Variants in CNNM2 observed in about 807,000 individuals in gnomAD.
The protein encoded by CNNM2 is cyclin and CBS domain divalent metal cation transport mediator 2.
In CNNM2, 12 loss-of-function variants were observed where a neutral mutation model predicts 66.9. The observed-to-expected ratio is 0.18, with a 90% CI of 0.11 to 0.29. CNNM2 has a LOEUF of 0.29. Ranked by LOEUF, CNNM2 falls within the 10% of genes least tolerant of loss-of-function variation. The pLI is 1.00. For missense variants in CNNM2, 705 were observed against 1,167.7 expected (o/e 0.60, Z 5.77); for synonymous variants, 557 against 501.8 (o/e 1.11, Z -1.47).
chr10:103,017,833 G>A (rs1321532158), intron 1 of CNNM2, among the ~76,000 whole-genome samples: 2 of 151,746 alleles, frequency 1.3e-5, no homozygotes, highest in Non-Finnish European at 2.9e-5. Flanking sequence ...GCATGGTAGT[G>A]GGCACCTGTA....
intron 1 of CNNM2, among the ~76,000 whole-genome samples, chr10:102,928,086 T>G (rs765878823): frequency 6.6e-6 from 1 of 152,230 alleles, no homozygotes; most frequent in Non-Finnish European, 1.5e-5. Context: ...TAAGTTTTTT[T>G]CAAAGTAAAA....
At chr10:102,972,554 T>G (rs1469833927) in intron 1 of CNNM2, among the ~76,000 whole-genome samples, 2 of 152,154 alleles carry the variant, frequency 1.3e-5, no homozygotes, top group Non-Finnish European at 2.9e-5. Context: ...GGAGAAGGCG[T>G]GAACCCGGGC....
chr10:103,007,943 A>T (rs2064259837), intron 1 of CNNM2, among the ~76,000 whole-genome samples: 4 of 152,128 alleles, frequency 2.6e-5, no homozygotes, highest in Admixed American at 2.6e-4. Context: ...AAATCTTCAC[A>T]ATTTCTGTTC....
intron 1 of CNNM2, among the ~76,000 whole-genome samples, chr10:102,931,034 T>A (rs1348589512): frequency 6.6e-6 from 1 of 152,208 alleles, no homozygotes; most frequent in Non-Finnish European, 1.5e-5. Context: ...AATCCCATTC[T>A]AGTCTGAAGA....
At chr10:103,068,744 A>G (rs1422854673) in intron 5 of CNNM2, 22 bp downstream of exon 5, 2 of 1,585,988 alleles carry the variant, frequency 1.3e-6, no homozygotes, top group African/African-American at 1.3e-5. Context: ...TCCCAGCCGC[A>G]TAGGGCAGGA....
rs939303323 is a variant in CNNM2 at position 103,079,287 on chromosome 10, A to G, written c.*2107A>G. The G allele has an allele frequency of 2.0e-5, 3 of 152,312 alleles. No homozygotes were observed. The highest frequency in any genetic ancestry group is 4.8e-5 in the African/African-American group (2 of 41,462). 9.4% of individuals were successfully genotyped at this position (152,312 alleles called of 1,614,324 possible). A position where few individuals can be genotyped will look rare whatever the true frequency, so the allele number is the denominator to read the frequency against. ...TAGCCCATGCTGGAAGAGGGCATCT[A>G]TCCCCCTCTTCGGGTCTGCGCAGTG... On this transcript the variant is annotated 3_prime_UTR_variant, in exon 8 of 8. Coordinates refer to ENST00000369878, the MANE Select transcript of CNNM2 (RefSeq NM_017649.5).
intron 1 of CNNM2, among the ~76,000 whole-genome samples, chr10:103,044,360 A>G (rs1377958008): frequency 6.6e-6 from 1 of 152,124 alleles, no homozygotes; most frequent in Non-Finnish European, 1.5e-5. Flanking sequence ...GTTCCAGACC[A>G]GCCTGAGCAA....
intron 4 of CNNM2, among the ~76,000 whole-genome samples, chr10:103,060,321 G>T (rs2065362944): frequency 6.6e-6 from 1 of 152,224 alleles, no homozygotes; most frequent in Non-Finnish European, 1.5e-5. Context: ...CAGAACTTTG[G>T]GAGGTTGAGG....
chr10:102,985,380 G>A (rs1264113443), intron 1 of CNNM2, among the ~76,000 whole-genome samples: 3 of 151,994 alleles, frequency 2.0e-5, no homozygotes, highest in East Asian at 1.9e-4. Flanking sequence ...CTGTGAGTCC[G>A]GCAAAGGGGC....
intron 1 of CNNM2, among the ~76,000 whole-genome samples, chr10:103,031,559 A>AT (rs2064818887): frequency 6.6e-6 from 1 of 152,134 alleles, no homozygotes. Context: ...AGAGCATGAA[A>AT]TGTGTGAAAC....
intron 1 of CNNM2, among the ~76,000 whole-genome samples, chr10:103,011,016 AAAG>A (rs2064332967): frequency 6.6e-6 from 1 of 152,256 alleles, no homozygotes; most frequent in African/African-American, 2.4e-5. Flanking sequence ...CATTTTGAAA[AAAG>A]TAGTAATTGT....
At chr10:103,001,928 A>G (rs1410897982) in intron 1 of CNNM2, among the ~76,000 whole-genome samples, 2 of 152,162 alleles carry the variant, frequency 1.3e-5, no homozygotes, top group African/African-American at 4.8e-5. Flanking sequence ...ATCGGGAGGC[A>G]GAGGTTGCAG....
intron 1 of CNNM2, among the ~76,000 whole-genome samples, chr10:102,980,339 A>G (rs1348054594): frequency 6.8e-6 from 1 of 146,358 alleles, no homozygotes; most frequent in Non-Finnish European, 1.5e-5. Flanking sequence ...TTTTTTTTTC[A>G]TAGCTCACTG....
Position 103,064,392 on chromosome 10 carries a change from T to TG in CNNM2, c.2074-4237_2074-4236insG, listed in dbSNP as rs1457560006. On this transcript the variant is annotated intron_variant, in intron 4 of 7. Transcript: ENST00000369878. ...TGATGGTAACAGTAGATAGCTGTTT[T>TG]TTTTGTTTTGTTTTGTTTTGAGACA... Among the ~76,000 whole-genome samples, 1 of 152,158 alleles carries TG rather than the reference T, an allele frequency of 6.6e-6. No individual in the cohort carries two copies. The highest frequency in any genetic ancestry group is 1.5e-5 in the Non-Finnish European group (1 of 68,024).
chr10:102,944,153 A>G (rs1007856963), intron 1 of CNNM2, among the ~76,000 whole-genome samples: 1 of 145,110 alleles, frequency 6.9e-6, no homozygotes, highest in African/African-American at 2.6e-5. Context: ...ATCTCGGCTC[A>G]CTGCAGTCTC....
At chr10:103,039,127 C>T (rs972799372) in intron 1 of CNNM2, among the ~76,000 whole-genome samples, 2 of 151,924 alleles carry the variant, frequency 1.3e-5, no homozygotes, top group African/African-American at 2.4e-5. Flanking sequence ...GATTATAGCT[C>T]GTGTTCTAAT....
chr10:103,003,303 A>G (rs1044547179), intron 1 of CNNM2, among the ~76,000 whole-genome samples: 14 of 152,050 alleles, frequency 9.2e-5, no homozygotes, highest in African/African-American at 3.1e-4. Flanking sequence ...TAGTAGAGAC[A>G]GGGTTTCACC....
In CNNM2 at chr10:103,006,829, C is replaced by T. The variant is rs139307960; in HGVS notation, c.1622-42878C>T. Among the ~76,000 whole-genome samples the T allele has an allele frequency of 1.8e-3, 272 of 152,148 alleles. No homozygotes were observed. Among genetic ancestry groups the T allele is most frequent in the African/African-American group, 5.3e-3 (221 of 41,480 alleles). Reference sequence around the variant, plus strand: ...TTATTCATTTATAGTGATGGGGTCTCGCTATGTTGCCCAGGCTGGTCTGAA... The same window carrying T: ...TTATTCATTTATAGTGATGGGGTCTTGCTATGTTGCCCAGGCTGGTCTGAA... On this transcript the variant is annotated intron_variant, in intron 1 of 7. Coordinates refer to ENST00000369878, the MANE Select transcript of CNNM2 (RefSeq NM_017649.5).
At chr10:103,018,942 C>G (rs897421645) in intron 1 of CNNM2, among the ~76,000 whole-genome samples, 5 of 149,544 alleles carry the variant, frequency 3.3e-5, no homozygotes, top group Non-Finnish European at 7.4e-5. Flanking sequence ...AGGCGTGAGC[C>G]GCTGTACCTG....
Sources: allele counts gnomAD v4.1 joint callset (sites outside exome capture counted in the v4.1 genomes callset), GRCh38; gene constraint gnomAD v4.1.1; transcripts MANE v1.5; gene names NCBI Gene and HGNC (gene_info 2026-07-23, HGNC 2026-07-21).